The following LRP12 variants were observed in gnomAD, a reference collection of about 807,000 sequenced individuals.
The protein encoded by LRP12 is LDL receptor related protein 12.
LRP12 carries 14 observed loss-of-function variants against 66.0 expected under a neutral mutation model. The observed-to-expected ratio is 0.21, with a 90% confidence interval of 0.14 to 0.33. The LOEUF (loss-of-function observed/expected upper bound fraction) is 0.33, where lower values mean the gene tolerates loss of function less well. LRP12 is among the 10% of genes least tolerant of loss of function. The pLI is 1.00. For synonymous variants in LRP12, 357 were observed against 359.1 expected, an observed-to-expected ratio of 0.99 and a Z score of 0.07; for missense variants, 889 against 1,053.4, an observed-to-expected ratio of 0.84 and a Z score of 2.16.
intron 5 of LRP12, 55 bp from the exon 6 acceptor site, chr8:104,495,264 C>A: frequency 1.3e-6 from 2 of 1,537,490 alleles, no homozygotes. Context: ...AGAAAAAGAA[C>A]AATTTTCTAT....
rs1472672611 is a variant in LRP12 at position 104,508,943 on chromosome 8, T to C, written c.268A>G (p.Ile90Val). The change falls in exon 3 of 7, where the codon ATA becomes GTA. Residue 90 changes from isoleucine (I) to valine (V), a missense_variant. Coordinates refer to ENST00000276654, the MANE Select transcript of LRP12 (RefSeq NM_013437.5). Reference protein sequence around the residue: ...IRANPGEIITISFQDFDIQGS... With the variant: ...IRANPGEIITVSFQDFDIQGS... Reference sequence around the variant, plus strand: ...AATACAGAAAGGTAGAATTACCTTATAGTAATGATTTCGCCTGGGTTTGCC... The same window carrying C: ...AATACAGAAAGGTAGAATTACCTTACAGTAATGATTTCGCCTGGGTTTGCC... 5.0e-6 allele frequency: 8 copies of C among 1,612,122 alleles called. No individual in the cohort carries two copies. Among genetic ancestry groups the C allele is most frequent in the African/African-American group, 4.0e-5 (3 of 74,880 alleles).
chr8:104,545,501 T>C (rs1811542222), intron 1 of LRP12, among the ~76,000 whole-genome samples: 1 of 152,190 alleles, frequency 6.6e-6, no homozygotes, highest in African/African-American at 2.4e-5. Context: ...TGCTGTCTTA[T>C]TTTAAGAAAT....
chr8:104,579,666 C>T (rs1489428211), intron 1 of LRP12, among the ~76,000 whole-genome samples: 2 of 152,056 alleles, frequency 1.3e-5, no homozygotes, highest in African/African-American at 4.8e-5. Flanking sequence ...ATCATGCTAC[C>T]CAACTTCAAA....
chr8:104,574,115 G>A (rs1454930405), intron 1 of LRP12, among the ~76,000 whole-genome samples: 2 of 152,020 alleles, frequency 1.3e-5, no homozygotes, highest in African/African-American at 4.8e-5. Context: ...TGACCCTATG[G>A]TAATTGCAAA....
At chr8:104,538,900 G>A (rs529676588) in intron 1 of LRP12, among the ~76,000 whole-genome samples, 12 of 151,890 alleles carry the variant, frequency 7.9e-5, no homozygotes, top group African/African-American at 9.7e-5. Context: ...TGTGGCTGAC[G>A]GCTACTGTAT....
intron 1 of LRP12, among the ~76,000 whole-genome samples, chr8:104,583,552 T>G (rs1812287709): frequency 6.6e-6 from 1 of 152,188 alleles, no homozygotes; most frequent in Non-Finnish European, 1.5e-5. Flanking sequence ...TTATTACAAC[T>G]TATTCATTAG....
At chr8:104,527,171 G>C (rs1396922750) in intron 2 of LRP12, among the ~76,000 whole-genome samples, 3 of 148,252 alleles carry the variant, frequency 2.0e-5, no homozygotes, top group Non-Finnish European at 4.5e-5. Flanking sequence ...TCATTAAAAA[G>C]TCAGGAAACA....
intron 1 of LRP12, among the ~76,000 whole-genome samples, chr8:104,532,986 T>C (rs939612145): frequency 2.6e-5 from 4 of 152,096 alleles, no homozygotes; most frequent in African/African-American, 9.7e-5. Flanking sequence ...TGAACAGGTG[T>C]TGATTTTTGT....
intron 1 of LRP12, among the ~76,000 whole-genome samples, chr8:104,540,769 C>G (rs1430680855): frequency 6.6e-6 from 1 of 152,182 alleles, no homozygotes; most frequent in Non-Finnish European, 1.5e-5. Flanking sequence ...GAGTCTCGCT[C>G]TGTCGCTAGG....
At chr8:104,534,690 T>A (rs1312644103) in intron 1 of LRP12, among the ~76,000 whole-genome samples, 1 of 151,940 alleles carries the variant, frequency 6.6e-6, no homozygotes, top group Admixed American at 6.6e-5. Context: ...TTAAAAGAAA[T>A]CAATGATAAT....
At chr8:104,494,069 G>A (rs1489069812) in intron 6 of LRP12, among the ~76,000 whole-genome samples, 1 of 152,080 alleles carries the variant, frequency 6.6e-6, no homozygotes, top group African/African-American at 2.4e-5. Context: ...TGTGTGTACC[G>A]TGTTCTCTCT....
intron 1 of LRP12, among the ~76,000 whole-genome samples, chr8:104,585,960 A>C (rs1158014245): frequency 6.6e-6 from 1 of 152,224 alleles, no homozygotes; most frequent in African/African-American, 2.4e-5. Context: ...AAAATGACAA[A>C]GCACTTTTTC....
At chr8:104,565,860 C>CAAAAAA (rs35650042) in intron 1 of LRP12, among the ~76,000 whole-genome samples, 4 of 111,858 alleles carry the variant, frequency 3.6e-5, no homozygotes, top group Admixed American at 1.1e-4. Context: ...GACTCCATCT[C>CAAAAAA]AAAAAAAAAA....
At chr8:104,546,529 T>C (rs922561885) in intron 1 of LRP12, among the ~76,000 whole-genome samples, 1 of 152,114 alleles carries the variant, frequency 6.6e-6, no homozygotes, top group Non-Finnish European at 1.5e-5. Context: ...ATAGATTCCA[T>C]CGTCCCCACA....
chr8:104,557,337 C>T (rs961917433), intron 1 of LRP12, among the ~76,000 whole-genome samples: 1 of 152,116 alleles, frequency 6.6e-6, no homozygotes, highest in African/African-American at 2.4e-5. Context: ...GGGAGTCAAA[C>T]TGTCGCTGTT....
At chr8:104,581,915 C>A (rs1350185291) in intron 1 of LRP12, among the ~76,000 whole-genome samples, 1 of 152,110 alleles carries the variant, frequency 6.6e-6, no homozygotes, top group Non-Finnish European at 1.5e-5. Flanking sequence ...ATTCTCTTAG[C>A]AAAACTTTCA....
At chr8:104,511,165 T>A (rs1000840555) in intron 2 of LRP12, among the ~76,000 whole-genome samples, 1 of 145,266 alleles carries the variant, frequency 6.9e-6, no homozygotes, top group Non-Finnish European at 1.5e-5. Context: ...TGCCTCAGCC[T>A]CCCGAGTAAG....
chr8:104,588,976 C>CCGCCGCCGA lies in LRP12; in HGVS notation c.-80_-79insTCGGCGGCG, dbSNP rs2140906335. 1 of 648,512 alleles carries CCGCCGCCGA rather than the reference C, an allele frequency of 1.5e-6. No individual in the cohort carries two copies. The highest frequency in any genetic ancestry group is 2.4e-6 in the Non-Finnish European group (1 of 418,438). The allele number at this position is 648,512 out of a possible 1,614,324, so 40.2% of individuals were successfully genotyped here. ...CTGGAGGTAGACGACGCCGACGCCG[C>CCGCCGCCGA]CGCCGCCGCCGCCGCCGCCGCCGAG... On this transcript the variant is annotated 5_prime_UTR_variant, in exon 1 of 7. Transcript: ENST00000276654.
At chr8:104,562,170 A>C (rs1435144279) in intron 1 of LRP12, among the ~76,000 whole-genome samples, 1 of 152,202 alleles carries the variant, frequency 6.6e-6, no homozygotes, top group Non-Finnish European at 1.5e-5. Flanking sequence ...CAGAGTTAAA[A>C]TAGGGCCCAT....
Sources: gnomAD v4.1 joint callset for allele counts (sites outside exome capture counted in the v4.1 genomes callset) on GRCh38, gnomAD v4.1.1 for gene constraint, MANE v1.5 for transcripts, NCBI Gene and HGNC (gene_info 2026-07-23, HGNC 2026-07-21) for gene names.